The following MTUS2 variants were observed in gnomAD, a reference collection of about 807,000 sequenced individuals.
MTUS2 encodes microtubule-associated tumor suppressor candidate 2.
A neutral mutation model predicts 114.1 loss-of-function variants in MTUS2; 40 were observed. The observed-to-expected ratio is 0.35, with a 90% CI of 0.27 to 0.46. MTUS2 has a LOEUF of 0.46. Ranked by LOEUF, MTUS2 falls within the 20% of genes least tolerant of loss-of-function variation. MTUS2 has a pLI of 1.00. For missense variants in MTUS2, 1,679 were observed against 1,705.4 expected (o/e 0.98, Z 0.27); for synonymous variants, 688 against 672.0 (o/e 1.02, Z -0.37).
intron 4 of MTUS2, among the ~76,000 whole-genome samples, chr13:29,042,970 C>A (rs1887441467): frequency 6.6e-6 from 1 of 151,790 alleles, no homozygotes. Flanking sequence ...GTATTTAGTT[C>A]TGCTCTGATC....
At chr13:29,383,457 A>G (rs1052046351) in intron 8 of MTUS2, among the ~76,000 whole-genome samples, 2 of 152,150 alleles carry the variant, frequency 1.3e-5, no homozygotes, top group African/African-American at 4.8e-5. Flanking sequence ...GAGAATAAAC[A>G]CTGTGCCTAG....
chr13:29,332,847 G>C (rs759223534), intron 7 of MTUS2, among the ~76,000 whole-genome samples: 4 of 152,048 alleles, frequency 2.6e-5, no homozygotes, highest in Non-Finnish European at 5.9e-5. Context: ...GTGTTAGCCA[G>C]GATGGTCTTG....
chr13:28,982,391 A>G (rs1294631826), intron 2 of MTUS2, among the ~76,000 whole-genome samples: 1 of 152,186 alleles, frequency 6.6e-6, no homozygotes, highest in African/African-American at 2.4e-5. Flanking sequence ...AATGTGGAGA[A>G]ATGGAAACAG....
chr13:29,066,010 T>C (rs994558918), intron 4 of MTUS2, among the ~76,000 whole-genome samples: 1 of 152,104 alleles, frequency 6.6e-6, no homozygotes, highest in African/African-American at 2.4e-5. Flanking sequence ...TCACTACGCA[T>C]AACCCACAGT....
At chr13:28,867,898 G>A (rs1389386329) in intron 2 of MTUS2, among the ~76,000 whole-genome samples, 2 of 152,204 alleles carry the variant, frequency 1.3e-5, no homozygotes, top group African/African-American at 4.8e-5. Flanking sequence ...TCATCCCCAA[G>A]ATGTGTTGCT....
At chr13:29,009,681 A>G (rs904648994) in intron 2 of MTUS2, among the ~76,000 whole-genome samples, 1 of 152,206 alleles carries the variant, frequency 6.6e-6, no homozygotes, top group Non-Finnish European at 1.5e-5. Flanking sequence ...TTACAGAACT[A>G]TAAACCAAAA....
intron 8 of MTUS2, among the ~76,000 whole-genome samples, chr13:29,391,493 C>T (rs1175957619): frequency 2.0e-5 from 3 of 152,094 alleles, no homozygotes; most frequent in African/African-American, 7.2e-5. Context: ...GCATGTAATG[C>T]CCAGAAGGAG....
chr13:29,290,134 C>T (rs1427937946), intron 6 of MTUS2, among the ~76,000 whole-genome samples: 2 of 152,134 alleles, frequency 1.3e-5, no homozygotes, highest in East Asian at 3.8e-4. Flanking sequence ...CTGAAAAGCC[C>T]CTGTAATACT....
intron 6 of MTUS2, among the ~76,000 whole-genome samples, chr13:29,304,559 A>G (rs1899352354): frequency 6.6e-6 from 1 of 152,242 alleles, no homozygotes; most frequent in South Asian, 2.1e-4. Context: ...ACATAATGGT[A>G]AAGGGTTTAA....
At chr13:29,233,442 A>C (rs1400566131) in intron 5 of MTUS2, among the ~76,000 whole-genome samples, 1 of 152,170 alleles carries the variant, frequency 6.6e-6, no homozygotes, top group Non-Finnish European at 1.5e-5. Flanking sequence ...TATAACAGTA[A>C]AACTATCGTC....
intron 12 of MTUS2, among the ~76,000 whole-genome samples, chr13:29,495,251 G>C (rs184166326): frequency 3.3e-3 from 485 of 148,026 alleles, no homozygotes; most frequent in Non-Finnish European, 5.7e-3. Context: ...CCAGCTACTT[G>C]GGAGGCTGAG....
intron 2 of MTUS2, among the ~76,000 whole-genome samples, chr13:29,011,727 C>T (rs1361045365): frequency 6.6e-6 from 1 of 152,192 alleles, no homozygotes; most frequent in Non-Finnish European, 1.5e-5. Context: ...CAAAGTCTAA[C>T]TAATGAAAAT....
intron 8 of MTUS2, among the ~76,000 whole-genome samples, chr13:29,369,285 C>T (rs1347927034): frequency 6.6e-6 from 1 of 152,064 alleles, no homozygotes; most frequent in African/African-American, 2.4e-5. Flanking sequence ...GTTCTTCTAC[C>T]CTGTGAGGAG....
chr13:28,858,995 C>T (rs369933823), intron 2 of MTUS2, among the ~76,000 whole-genome samples: 1 of 152,080 alleles, frequency 6.6e-6, no homozygotes, highest in Non-Finnish European at 1.5e-5. Flanking sequence ...GTTGGGTAAC[C>T]CAGGAAGGGA....
chr13:29,239,061 C>T (rs1221700955), intron 5 of MTUS2, among the ~76,000 whole-genome samples: 1 of 152,090 alleles, frequency 6.6e-6, no homozygotes, highest in Non-Finnish European at 1.5e-5. Context: ...GTTAACAGTG[C>T]CATATTCTAC....
intron 4 of MTUS2, among the ~76,000 whole-genome samples, chr13:29,047,457 C>T (rs1408508028): frequency 6.6e-6 from 1 of 151,674 alleles, no homozygotes; most frequent in African/African-American, 2.4e-5. Flanking sequence ...TCAAAATATC[C>T]TTATTGAGTG....
At chr13:29,409,576 A>T (rs1032375530) in intron 8 of MTUS2, among the ~76,000 whole-genome samples, 1 of 152,094 alleles carries the variant, frequency 6.6e-6, no homozygotes, top group Admixed American at 6.5e-5. Flanking sequence ...TGGTTCTCCT[A>T]TTGTTTCTGT....
chr13:29,344,087 G>A (rs1277917499), intron 7 of MTUS2, among the ~76,000 whole-genome samples: 1 of 152,028 alleles, frequency 6.6e-6, no homozygotes, highest in Non-Finnish European at 1.5e-5. Context: ...GGTCTATCTT[G>A]TAGAATGTTC....
intron 8 of MTUS2, among the ~76,000 whole-genome samples, chr13:29,389,288 CATAT>C (rs1273220396): frequency 9.2e-6 from 1 of 108,612 alleles, no homozygotes; most frequent in African/African-American, 4.1e-5. Context: ...TATGTATACA[CATAT>C]GTGTGTATAT....
Sources: allele counts gnomAD v4.1 joint callset (sites outside exome capture counted in the v4.1 genomes callset), GRCh38; gene constraint gnomAD v4.1.1; transcripts MANE v1.5; gene names NCBI Gene and HGNC (gene_info 2026-07-23, HGNC 2026-07-21).